LRIT1: variants seen among roughly 807,000 people sequenced by gnomAD.
LRIT1 encodes leucine-rich repeat, immunoglobulin-like domain and transmembrane domain-containing protein 1.
In LRIT1, 23 loss-of-function variants were observed where a neutral mutation model predicts 24.0. The ratio of observed to expected loss-of-function variants is 0.96; its 90% confidence interval spans 0.69 to 1.36. The LOEUF (loss-of-function observed/expected upper bound fraction) is 1.36, where lower values mean the gene tolerates loss of function less well. Ranked by LOEUF, LRIT1 falls within the 40% of genes most tolerant of loss-of-function variation. LRIT1 has a pLI of 0.00. For synonymous variants in LRIT1, 361 were observed against 340.5 expected (o/e 1.06, Z -0.66); for missense variants, 846 against 806.3 (o/e 1.05, Z -0.60).
chr10:84,231,675 T>G lies in LRIT1; in HGVS notation c.*252A>C. The G allele has an allele frequency of 8.2e-6, 4 of 485,862 alleles. No homozygotes were observed. The highest frequency in any genetic ancestry group is 1.5e-5 in the Non-Finnish European group (4 of 271,346). The allele number at this position is 485,862 out of a possible 1,614,324, so 30.1% of individuals were successfully genotyped here. On this transcript the variant is annotated 3_prime_UTR_variant, in exon 4 of 4. Coordinates refer to ENST00000372105, the MANE Select transcript of LRIT1 (RefSeq NM_015613.3). ...TTCTTAACCCCCCACCCCAGGGAAA[T>G]GGAGAGAATAGTGATGCCTGCTGCA... is the stretch of plus-strand genomic sequence containing the variant.
chr10:84,234,146 G>C lies in LRIT1; in HGVS notation c.822C>G (p.Arg274=), dbSNP rs138546886. 3.7e-6 allele frequency: 6 copies of C among 1,612,512 alleles called. No individual in the cohort carries two copies. The African/African-American group carries it at 6.7e-5, about 18-fold the overall frequency. ...RSLLGGTALL[R]CGATGVPGPE... The stretch of plus-strand genomic sequence containing the variant: ...GCCCAGGGACTCCAGTAGCTCCACA[G>C]CGTAGCAGTGCTGTGCCACCCAAAA... The change falls in exon 3 of 4, where the codon CGC becomes CGG. Residue 274 remains arginine (R), a synonymous_variant. Transcript: ENST00000372105.
At chr10:84,235,373 T>C (rs1454531383) in intron 2 of LRIT1, among the ~76,000 whole-genome samples, 1 of 152,144 alleles carries the variant, frequency 6.6e-6, no homozygotes, top group Non-Finnish European at 1.5e-5. Context: ...TTAAACGCAC[T>C]TAATGATACA....
intron 1 of LRIT1, among the ~76,000 whole-genome samples, chr10:84,237,941 C>G (rs1329830368): frequency 3.3e-5 from 5 of 152,178 alleles, no homozygotes; most frequent in Admixed American, 3.3e-4. Context: ...CGGCAAGACC[C>G]CACCCTTACA....
chr10:84,241,277 A>G (rs759103425), intron 1 of LRIT1, 41 bp downstream of exon 1: 11 of 1,613,056 alleles, frequency 6.8e-6, no homozygotes, highest in South Asian at 5.5e-5. Flanking sequence ...TGGCAAAGCA[A>G]TGGAGGCTGG....
At chr10:84,239,600 C>T (rs1056999704) in intron 1 of LRIT1, among the ~76,000 whole-genome samples, 2 of 152,236 alleles carry the variant, frequency 1.3e-5, no homozygotes, top group Non-Finnish European at 2.9e-5. Flanking sequence ...GCCTACACCA[C>T]AGCTCAAACC....
At chr10:84,233,797 AAGTC>A (rs962823381) in intron 3 of LRIT1, among the ~76,000 whole-genome samples, 8 of 152,322 alleles carry the variant, frequency 5.3e-5, no homozygotes, top group Admixed American at 4.6e-4. Flanking sequence ...TTCCACCAAA[AAGTC>A]AGCTTTTTGT....
In LRIT1 at chr10:84,234,087, G is replaced by T; in HGVS notation, c.881C>A (p.Pro294His). Reference sequence around the variant, plus strand: ...AGCTCACATACCTGTACCATTAAGGGGCCTGCCATTGGCCCTCCTCCAGCT... The same window carrying T: ...AGCTCACATACCTGTACCATTAAGGTGCCTGCCATTGGCCCTCCTCCAGCT... Reference protein sequence around the residue: ...EMSWRRANGRPLNGTVHQEVS... With the variant: ...EMSWRRANGRHLNGTVHQEVS... The change falls in exon 3 of 4, where the codon CCC becomes CAC. Residue 294 changes from proline to histidine, a missense_variant. Physicochemically the swap from Pro to His is moderately conservative, Grantham distance 77 (BLOSUM62 -2). Transcript: ENST00000372105. 6.4e-7 allele frequency: 1 copy of T among 1,553,616 alleles called. No homozygotes were observed. Among genetic ancestry groups the T allele is most frequent in the Non-Finnish European group, 8.7e-7 (1 of 1,150,012 alleles).
chr10:84,241,405 G>T lies in LRIT1; in HGVS notation c.35C>A (p.Ala12Asp), dbSNP rs539561651. ...RVALGMLWLL[A>D]LAWPPQARGF... is the part of the protein sequence containing the mutation. Reference sequence around the variant, plus strand: ...CCGGGCCTGGGGGGGCCACGCAAGGGCCAAGAGCCAGAGCATGCCTAATGC... The same window carrying T: ...CCGGGCCTGGGGGGGCCACGCAAGGTCCAAGAGCCAGAGCATGCCTAATGC... The change falls in exon 1 of 4, where the codon GCC becomes GAC. Residue 12 changes from alanine to aspartate, a missense_variant. Coordinates refer to ENST00000372105, the MANE Select transcript of LRIT1 (RefSeq NM_015613.3). The T allele has an allele frequency of 8.1e-6, 13 of 1,607,926 alleles. No homozygotes were observed. In the African/African-American group the frequency reaches 1.3e-4, roughly 17 times the overall value.
At chr10:84,234,413 T>C (rs1842631922) in intron 2 of LRIT1, 35 bp from the exon 3 acceptor site, 5 of 1,478,922 alleles carry the variant, frequency 3.4e-6, no homozygotes, top group South Asian at 2.7e-5. Flanking sequence ...GATATTCAGA[T>C]AGATACTCAA....
intron 1 of LRIT1, among the ~76,000 whole-genome samples, chr10:84,239,624 C>T (rs1483437973): frequency 6.6e-6 from 1 of 152,170 alleles, no homozygotes; most frequent in African/African-American, 2.4e-5. Flanking sequence ...AGCACAACTC[C>T]GGGTGGGGTA....
Position 84,232,315 on chromosome 10 carries a change from A to T in LRIT1, c.1484T>A (p.Val495Glu). Residue 495 changes from valine to glutamate, a missense_variant, in exon 4 of 4, where the codon GTG becomes GAG. Transcript: ENST00000372105. ...ITGLLPKTKY[V>E]ACVCVQGLVP... The stretch of plus-strand genomic sequence containing the variant: ...CAGGCCCTGCACACAGACACACGCC[A>T]CATACTTGGTCTTGGGCAACAGCCC... 1.2e-6 allele frequency: 2 copies of T among 1,614,040 alleles called. No individual in the cohort carries two copies. The highest frequency in any genetic ancestry group is 1.7e-6 in the Non-Finnish European group (2 of 1,179,998).
chr10:84,241,178 A>T, intron 1 of LRIT1, 140 bp downstream of exon 1: 1 of 1,265,560 alleles, frequency 7.9e-7, no homozygotes, highest in South Asian at 1.4e-5. Context: ...AGCACAGTCC[A>T]CCCCATAGGA....
chr10:84,239,789 A>C (rs1257520422), intron 1 of LRIT1, among the ~76,000 whole-genome samples: 1 of 152,202 alleles, frequency 6.6e-6, no homozygotes, highest in Admixed American at 6.5e-5. Flanking sequence ...CCCAGGTTAG[A>C]GAGGGATCTG....
At position 84,232,761 on chromosome 10, in the gene LRIT1, A is replaced by T; in HGVS notation, c.1038T>A (p.Thr346=). ...TGTGTTCTGTGGAAGTCGGTGGCTCAGTGACAATCAAGGAGATAACAGTTT... is the reference window on the plus strand; with the variant it reads ...TGTGTTCTGTGGAAGTCGGTGGCTCTGTGACAATCAAGGAGATAACAGTTT... ...ASETVISLIV[T]EPPTSTEHSG... The change falls in exon 4 of 4, where the codon ACT becomes ACA. Residue 346 remains threonine (T), a synonymous_variant. Coordinates refer to ENST00000372105, the MANE Select transcript of LRIT1 (RefSeq NM_015613.3). The T allele has an allele frequency of 6.2e-7, 1 of 1,614,040 alleles. No individual in the cohort carries two copies. Among genetic ancestry groups the T allele is most frequent in the Non-Finnish European group, 8.5e-7 (1 of 1,180,018 alleles).
At chr10:84,238,073 G>T (rs1054300927) in intron 1 of LRIT1, among the ~76,000 whole-genome samples, 1 of 152,180 alleles carries the variant, frequency 6.6e-6, no homozygotes, top group Non-Finnish European at 1.5e-5. Flanking sequence ...TGTTCGTTTG[G>T]CCGGGCACAG....
rs776389478 is a variant in LRIT1, at chr10:84,232,289, C to T, written c.1510G>A (p.Val504Met). The change falls in exon 4 of 4, where the codon GTG (valine) becomes ATG (methionine). Residue 504 changes from valine to methionine, a missense_variant. Coordinates refer to ENST00000372105, the MANE Select transcript of LRIT1 (RefSeq NM_015613.3). ...YVACVCVQGLVPRKEQCVIFS... is the reference protein window; with the variant it reads ...YVACVCVQGLMPRKEQCVIFS... ...ATAACACACTGCTCCTTCCGGGGCACCAGGCCCTGCACACAGACACACGCC... is the reference window on the plus strand; with the variant it reads ...ATAACACACTGCTCCTTCCGGGGCATCAGGCCCTGCACACAGACACACGCC... 8 of 1,614,110 alleles carry T rather than the reference C, an allele frequency of 5.0e-6. No individual in the cohort carries two copies. Among genetic ancestry groups the T allele is most frequent in the Admixed American group, 3.3e-5 (2 of 60,026 alleles).
intron 1 of LRIT1, among the ~76,000 whole-genome samples, chr10:84,239,034 T>C (rs1842673775): frequency 6.6e-6 from 1 of 152,198 alleles, no homozygotes; most frequent in South Asian, 2.1e-4. Flanking sequence ...TGCACACACA[T>C]ATCACCAGCA....
In LRIT1 at chr10:84,234,224, C is replaced by T. The variant is rs1036150747; in HGVS notation, c.744G>A (p.Leu248=). 1 of 1,613,954 alleles carries T rather than the reference C, an allele frequency of 6.2e-7. No individual in the cohort carries two copies. The highest frequency in any genetic ancestry group is 1.3e-5 in the African/African-American group (1 of 74,924). ...GGAGCTCTGGGCCCTGGCACTTCCT[C>T]AGTTCAAGCTGGCTGAAGGCCACTC... The part of the protein sequence containing the change: ...LAGVAFSQLE[L]RKCQGPELHP... Residue 248 remains leucine (L), a synonymous_variant, in exon 3 of 4, where the codon CTG becomes CTA. Transcript: ENST00000372105.
Position 84,237,660 on chromosome 10 carries a change from A to T in LRIT1, c.149T>A (p.Met50Lys). ...ARTVVCNDPD[M>K]TLPPASIPPD... ...GGGGATGGACGCCGGGGGCAGGGTC[A>T]TGTCGGGGTCGTTGCACACTACTGT... The change falls in exon 2 of 4, where the codon ATG (methionine) becomes AAG (lysine). Residue 50 changes from methionine (M) to lysine (K), a missense_variant. Transcript: ENST00000372105. 6.2e-7 allele frequency: 1 copy of T among 1,603,568 alleles called. No homozygotes were observed. Among genetic ancestry groups the T allele is most frequent in the Non-Finnish European group, 8.5e-7 (1 of 1,178,042 alleles).
Sources: gnomAD v4.1 joint callset for allele counts (sites outside exome capture counted in the v4.1 genomes callset) on GRCh38, gnomAD v4.1.1 for gene constraint, MANE v1.5 for transcripts, NCBI Gene and HGNC (gene_info 2026-07-23, HGNC 2026-07-21) for gene names.